Variants in PTPRN2 observed in about 807,000 individuals in gnomAD.
PTPRN2 encodes the protein protein tyrosine phosphatase receptor type N2, also known as receptor-type tyrosine-protein phosphatase N2.
A neutral mutation model predicts 118.8 loss-of-function variants in PTPRN2; 74 were observed. That is an observed-to-expected ratio of 0.62 (90% CI 0.52 to 0.76). The LOEUF is 0.76. Among genes scored for constraint, PTPRN2 ranks in the 30% least tolerant of loss-of-function variants. The pLI is 0.00. For synonymous variants in PTPRN2, 641 were observed against 608.0 expected, an observed-to-expected ratio of 1.05 and a Z score of -0.80; for missense variants, 1,481 against 1,394.4, an observed-to-expected ratio of 1.06 and a Z score of -0.99.
intron 2 of PTPRN2, among the ~76,000 whole-genome samples, chr7:158,444,757 C>A (rs1036998391): frequency 6.6e-6 from 1 of 152,214 alleles, no homozygotes; most frequent in African/African-American, 2.4e-5. Context: ...TCACAGACCC[C>A]AAGACCCACA....
Position 157,976,592 on chromosome 7 carries a change from G to A in PTPRN2, c.1724-77855C>T, listed in dbSNP as rs1042756997. On this transcript the variant is annotated intron_variant, in intron 11 of 22. Transcript: ENST00000389418. Reference sequence around the variant, plus strand: ...GGGATAGTCACGCATGTGCCTGTGCGGCTGCCCTACCAGACCCTGGGGCCT... The same window carrying A: ...GGGATAGTCACGCATGTGCCTGTGCAGCTGCCCTACCAGACCCTGGGGCCT... 3.5e-4 allele frequency among the ~76,000 whole-genome samples: 53 copies of A among 151,624 alleles called. 2 individuals carry two copies. Among genetic ancestry groups the A allele is most frequent in the Non-Finnish European group, 8.8e-5 (6 of 67,888 alleles).
chr7:158,228,555 C>T (rs946772848), intron 3 of PTPRN2, among the ~76,000 whole-genome samples: 1 of 151,902 alleles, frequency 6.6e-6, no homozygotes, highest in Non-Finnish European at 1.5e-5. Context: ...CACAGAGAAG[C>T]AAAAACACAC....
At chr7:158,345,723 C>T (rs929663947) in intron 2 of PTPRN2, among the ~76,000 whole-genome samples, 2 of 152,122 alleles carry the variant, frequency 1.3e-5, no homozygotes, top group East Asian at 1.9e-4. Flanking sequence ...TTTCACACAG[C>T]TATAAAGAAC....
At chr7:158,130,819 C>T (rs555463804) in intron 9 of PTPRN2, among the ~76,000 whole-genome samples, 3 of 151,192 alleles carry the variant, frequency 2.0e-5, no homozygotes, top group African/African-American at 7.3e-5. Context: ...AACACACACA[C>T]ATACACACAC....
Position 157,903,150 on chromosome 7 carries a change from CG to C in PTPRN2, c.1724-4414del, listed in dbSNP as rs1797566294. Among the ~76,000 whole-genome samples the C allele has an allele frequency of 6.6e-6, 1 of 152,064 alleles. No homozygotes were observed. The highest frequency in any genetic ancestry group is 2.4e-5 in the African/African-American group (1 of 41,374). On this transcript the variant is annotated intron_variant, in intron 11 of 22. Coordinates refer to ENST00000389418, the MANE Select transcript of PTPRN2 (RefSeq NM_002847.5). This position sits in a 1 kb window ranked among gnomAD's most constrained non-coding sequence, Gnocchi z 4.2. The stretch of plus-strand genomic sequence containing the variant: ...CCACACGCTGCCACACACTCTCGCA[CG>C]GAAGTGGGAACTACACTCATCAGAG...
rs182255380 is a variant in PTPRN2, at chr7:158,109,272, A to T, written c.1643+1557T>A. Among the ~76,000 whole-genome samples, 59 of 119,466 alleles carry T rather than the reference A, an allele frequency of 4.9e-4. No individual in the cohort carries two copies. The East Asian group carries it at 0.014, about 28-fold the overall frequency. 78.4% of individuals were successfully genotyped at this position (119,466 alleles called of 152,430 possible). A position where few individuals can be genotyped will look rare whatever the true frequency, so the allele number is the denominator to read the frequency against. ...CAGTGAGTGAATGACATAACTCCTGAGTGAAGGAGACAGTGAGTGAATGAC... is the reference window on the plus strand; with the variant it reads ...CAGTGAGTGAATGACATAACTCCTGTGTGAAGGAGACAGTGAGTGAATGAC... On this transcript the variant is annotated intron_variant, in intron 10 of 22. Coordinates refer to ENST00000389418, the MANE Select transcript of PTPRN2 (RefSeq NM_002847.5).
chr7:157,553,235 T>G (rs1030421749), intron 21 of PTPRN2, among the ~76,000 whole-genome samples: 1 of 152,178 alleles, frequency 6.6e-6, no homozygotes, highest in African/African-American at 2.4e-5. Context: ...TTGCTTTCAG[T>G]CCCTGAAACT....
In PTPRN2 at chr7:157,987,436, G is replaced by A. The variant is rs952713184; in HGVS notation, c.1724-88699C>T. On this transcript the variant is annotated intron_variant, in intron 11 of 22. Transcript: ENST00000389418. This position sits in a 1 kb window ranked among gnomAD's most constrained non-coding sequence, Gnocchi z 4.3. ...GGGGTGATCGGTCACTAAACGGGGTGAGATGACAGGTCATTAATGGGGGCG... is the reference window on the plus strand; with the variant it reads ...GGGGTGATCGGTCACTAAACGGGGTAAGATGACAGGTCATTAATGGGGGCG... Among the ~76,000 whole-genome samples the A allele has an allele frequency of 1.3e-5, 2 of 152,076 alleles. No individual in the cohort carries two copies. Among genetic ancestry groups the A allele is most frequent in the African/African-American group, 4.8e-5 (2 of 41,402 alleles).
intron 1 of PTPRN2, among the ~76,000 whole-genome samples, chr7:158,530,779 G>A (rs56401282): frequency 0.2 from 30,266 of 152,108 alleles, 3,455 homozygotes; most frequent in East Asian, 0.42. Flanking sequence ...CCCAAGATCT[G>A]TTTCACAGCA....
intron 22 of PTPRN2, among the ~76,000 whole-genome samples, chr7:157,547,799 G>A (rs941979928): frequency 2.0e-5 from 3 of 152,208 alleles, no homozygotes; most frequent in Admixed American, 6.5e-5. Flanking sequence ...CGTGGGACAC[G>A]CCTAGACAAG....
At chr7:158,134,552 C>T (rs1563487359) in intron 8 of PTPRN2, among the ~76,000 whole-genome samples, 1 of 152,152 alleles carries the variant, frequency 6.6e-6, no homozygotes, top group Non-Finnish European at 1.5e-5. Context: ...CTCACGTAAG[C>T]CTGTGGGTGG....
chr7:157,761,515 A>G (rs1802128977), intron 12 of PTPRN2, among the ~76,000 whole-genome samples: 1 of 151,630 alleles, frequency 6.6e-6, no homozygotes. Flanking sequence ...TTCCCTATTT[A>G]ATGAATGGTG....
chr7:157,664,944 G>A (rs1468784538), intron 13 of PTPRN2, among the ~76,000 whole-genome samples: 1 of 152,248 alleles, frequency 6.6e-6, no homozygotes, highest in African/African-American at 2.4e-5. Context: ...TCCTCACCCG[G>A]AACAAAACTC....
At chr7:158,308,109 A>T (rs1801430215) in intron 3 of PTPRN2, among the ~76,000 whole-genome samples, 1 of 152,238 alleles carries the variant, frequency 6.6e-6, no homozygotes, top group Non-Finnish European at 1.5e-5. Context: ...ATTCTGTGAT[A>T]AGCAACAGAA....
Position 158,587,564 on chromosome 7 carries a change from G to A in PTPRN2, c.106C>T (p.Arg36Cys). 1 of 1,321,006 alleles carries A rather than the reference G, an allele frequency of 7.6e-7. No homozygotes were observed. The highest frequency in any genetic ancestry group is 9.6e-7 in the Non-Finnish European group (1 of 1,040,398). 81.8% of individuals were successfully genotyped at this position (1,321,006 alleles called of 1,614,324 possible). A position where few individuals can be genotyped will look rare whatever the true frequency, so the allele number is the denominator to read the frequency against. ...SVPRGRQLPG[R>C]LGCLLEEGLC... ...CCCGGCGCCCCCCACTCACCCAGAC[G>A]CCCCGGGAGCTGCCGGCCGCGGGGG... Residue 36 changes from arginine (R) to cysteine (C), a missense_variant, in exon 1 of 23, where the codon CGT (arginine) becomes TGT (cysteine). By Grantham distance (180) the Arg-to-Cys change is radical (BLOSUM62 -3). Transcript: ENST00000389418.
intron 21 of PTPRN2, among the ~76,000 whole-genome samples, chr7:157,557,737 A>G (rs1427482963): frequency 6.6e-6 from 1 of 152,188 alleles, no homozygotes; most frequent in Non-Finnish European, 1.5e-5. Flanking sequence ...GCAAATCTGC[A>G]TCTTATTCAC....
chr7:158,012,664 T>C (rs1272147913), intron 11 of PTPRN2, among the ~76,000 whole-genome samples: 1 of 152,170 alleles, frequency 6.6e-6, no homozygotes, highest in Non-Finnish European at 1.5e-5. Context: ...TGGGGACTCA[T>C]CCATGAAGCC....
intron 3 of PTPRN2, among the ~76,000 whole-genome samples, chr7:158,251,205 G>A (rs915335665): frequency 2.0e-5 from 3 of 152,220 alleles, no homozygotes; most frequent in African/African-American, 7.2e-5. Context: ...CAAGTGCTCA[G>A]GGTCAAAGAA....
intron 12 of PTPRN2, among the ~76,000 whole-genome samples, chr7:157,841,613 G>A (rs939357045): frequency 6.6e-6 from 1 of 152,182 alleles, no homozygotes; most frequent in Non-Finnish European, 1.5e-5. Context: ...TGCCTGGAAG[G>A]GCCCCCACCA....
Sources: allele counts gnomAD v4.1 joint callset (sites outside exome capture counted in the v4.1 genomes callset), GRCh38; gene constraint gnomAD v4.1.1; non-coding constraint Gnocchi (gnomAD v3.1); transcripts MANE v1.5; gene names NCBI Gene and HGNC (gene_info 2026-07-23, HGNC 2026-07-21).